Variants in ABCA7 observed in about 807,000 individuals in gnomAD.
ABCA7 encodes ATP binding cassette subfamily A member 7, also known as phospholipid-transporting ATPase ABCA7.
A neutral mutation model predicts 227.6 loss-of-function variants in ABCA7; 261 were observed. That is an observed-to-expected ratio of 1.15 (90% CI 1.04 to 1.27). The LOEUF (loss-of-function observed/expected upper bound fraction) is 1.27, where lower values mean the gene tolerates loss of function less well. Among genes scored for constraint, ABCA7 ranks in the 50% most tolerant of loss-of-function variants. The probability of loss-of-function intolerance (pLI) is 0.00; values close to 1 mark genes in which losing one functional copy is unlikely to be tolerated. For synonymous variants in ABCA7, 1,488 were observed against 1,279.7 expected (o/e 1.16, Z -3.47); for missense variants, 3,331 against 2,924.5 (o/e 1.14, Z -3.21).
In ABCA7 at chr19:1,055,355, A is replaced by T. The variant is rs2042155530; in HGVS notation, c.4205+4A>T. 3 of 1,570,728 alleles carry T rather than the reference A, an allele frequency of 1.9e-6. No individual in the cohort carries two copies. The highest frequency in any genetic ancestry group is 2.6e-6 in the Non-Finnish European group (3 of 1,160,026). ...ACCCGCGCCTGGTGCGCCAGGGGTGAGCCATGCCCTGGGACTCAGTTTCCC... is the reference window on the plus strand; with the variant it reads ...ACCCGCGCCTGGTGCGCCAGGGGTGTGCCATGCCCTGGGACTCAGTTTCCC... On this transcript the variant is annotated splice_donor_region_variant and intron_variant, in intron 30 of 46. Transcript: ENST00000263094.
At chr19:1,050,256 A>G (rs1247737681) in intron 18 of ABCA7, among the ~76,000 whole-genome samples, 1 of 151,670 alleles carries the variant, frequency 6.6e-6, no homozygotes, top group East Asian at 2.0e-4. Context: ...TAAAAATACA[A>G]AAATTAGCCG....
Position 1,047,294 on chromosome 19 carries a change from C to A in ABCA7, c.1983C>A (p.Gly661=). 1.2e-6 allele frequency: 2 copies of A among 1,604,892 alleles called. No homozygotes were observed. Among genetic ancestry groups the A allele is most frequent in the East Asian group, 4.5e-5 (2 of 44,802 alleles). The change falls in exon 15 of 47, where the codon GGC becomes GGA. Residue 661 remains glycine, a synonymous_variant. Transcript: ENST00000263094. ...CCAACCTGGCTGCGGCCTGCGGCGG[C>A]CTGGCCTACTTCTCCCTCTACCTGC... ...SRANLAAACG[G]LAYFSLYLPY...
intron 12 of ABCA7, 89 bp downstream of exon 12, chr19:1,045,320 G>C: frequency 8.1e-7 from 1 of 1,237,380 alleles, no homozygotes; most frequent in Non-Finnish European, 1.1e-6. Context: ...GCCTATTGGA[G>C]ACCATGATAG....
Position 1,063,524 on chromosome 19 carries a change from A to C in ABCA7, c.5713-20A>C, listed in dbSNP as rs2042824848. On this transcript the variant is annotated intron_variant, in intron 42 of 46. Coordinates refer to ENST00000263094, the MANE Select transcript of ABCA7 (RefSeq NM_019112.4). ...CTCATCAATATGAGTCCCCATGCCT[A>C]CTCTGGCCCCACCCCACAGACCGCT... 3.1e-6 allele frequency: 5 copies of C among 1,608,364 alleles called. No homozygotes were observed. In the African/African-American group the frequency reaches 6.7e-5, roughly 21 times the overall value.
chr19:1,050,816 AAT>A lies in ABCA7; in HGVS notation c.2553-103_2553-102del, dbSNP rs2041536409. 3.5e-5 allele frequency: 22 copies of A among 630,046 alleles called. 1 individual carries two copies. Among genetic ancestry groups the A allele is most frequent in the Admixed American group, 4.1e-5 (1 of 24,328 alleles). The allele number at this position is 630,046 out of a possible 1,614,324, so 39.0% of individuals were successfully genotyped here. A position where few individuals can be genotyped will look rare whatever the true frequency, so the allele number is the denominator to read the frequency against. On this transcript the variant is annotated intron_variant, in intron 18 of 46. Transcript: ENST00000263094. ...TAATAATAATAATAATAATAATAAT[AAT>A]AAATAATTAAAAATTTTTTAAAAAC... is the stretch of plus-strand genomic sequence containing the variant.
chr19:1,048,195 A>T (rs1236140844), intron 16 of ABCA7, among the ~76,000 whole-genome samples: 1 of 148,144 alleles, frequency 6.8e-6, no homozygotes, highest in African/African-American at 2.5e-5. Flanking sequence ...TCTCTTTAAA[A>T]AAAAAAAAAA....
chr19:1,063,042 A>C (rs2042777139), intron 42 of ABCA7, among the ~76,000 whole-genome samples: 1 of 131,074 alleles, frequency 7.6e-6, no homozygotes, highest in Non-Finnish European at 1.6e-5. Flanking sequence ...CCCCATACTC[A>C]TGCTGTCTCC....
chr19:1,056,037 T>A lies in ABCA7; in HGVS notation c.4239-29T>A. The A allele has an allele frequency of 6.4e-7, 1 of 1,560,732 alleles. No homozygotes were observed. Among genetic ancestry groups the A allele is most frequent in the Non-Finnish European group, 8.7e-7 (1 of 1,149,724 alleles). ...TCTCCCGGCCCCCCCGGCCCTCAGC[T>A]CCCCTTCCCTGCCTGCATGGCCCCA... On this transcript the variant is annotated intron_variant, in intron 31 of 46. Transcript: ENST00000263094. This position sits in a 1 kb window ranked among gnomAD's most constrained non-coding sequence, Gnocchi z 4.3.
intron 18 of ABCA7, 46 bp from the exon 19 acceptor site, chr19:1,050,875 A>G (rs12151021): frequency 0.68 from 972,890 of 1,434,628 alleles, 334,035 homozygotes; most frequent in Admixed American, 0.8. Context: ...TGTAACTGCC[A>G]GTGCACTCTG....
chr19:1,063,591 C>G lies in ABCA7; in HGVS notation c.5760C>G (p.Asp1920Glu). The change falls in exon 43 of 47, where the codon GAC (aspartate) becomes GAG (glutamate). Residue 1920 changes from aspartate (D) to glutamate (E), a missense_variant. Coordinates refer to ENST00000263094, the MANE Select transcript of ABCA7 (RefSeq NM_019112.4). ...GTCTGGGACTCTCATGGTACGCAGA[C>G]CGGCCTGCAGGCACCTACAGCGGAG... ...LARLGLSWYA[D>E]RPAGTYSGGN... is the part of the protein sequence containing the mutation. The G allele has an allele frequency of 3.1e-6, 5 of 1,611,198 alleles. No individual in the cohort carries two copies. Among genetic ancestry groups the G allele is most frequent in the Non-Finnish European group, 4.2e-6 (5 of 1,179,928 alleles).
At position 1,062,381 on chromosome 19, in the gene ABCA7, G is replaced by C. The variant is rs948631051; in HGVS notation, c.5712+68G>C. 1.5e-5 allele frequency: 23 copies of C among 1,571,720 alleles called. No individual in the cohort carries two copies. In the Middle Eastern group the frequency reaches 7.0e-4, roughly 48 times the overall value. On this transcript the variant is annotated intron_variant, in intron 42 of 46. Transcript: ENST00000263094. ...ACCCGACCCAGGCCGTGCCTCTAAA[G>C]CCTGGCCCAATCCCGCACTCTCTCG... is the stretch of plus-strand genomic sequence containing the variant.
rs376425513 is a variant in ABCA7 at position 1,041,356 on chromosome 19, C to T, written c.-6C>T. Reference sequence around the variant, plus strand: ...CTCTCTGTCCCGTCCCCTGCCCAGTCTCACCATGGCCTTCTGGACACAGCT... The same window carrying T: ...CTCTCTGTCCCGTCCCCTGCCCAGTTTCACCATGGCCTTCTGGACACAGCT... On this transcript the variant is annotated 5_prime_UTR_variant, in exon 2 of 47. Transcript: ENST00000263094. The T allele has an allele frequency of 4.0e-5, 65 of 1,613,900 alleles. No homozygotes were observed. The highest frequency in any genetic ancestry group is 5.3e-5 in the Non-Finnish European group (63 of 1,180,020).
intron 30 of ABCA7, among the ~76,000 whole-genome samples, chr19:1,055,646 G>A (rs1305266728): frequency 1.3e-5 from 2 of 151,826 alleles, no homozygotes; most frequent in African/African-American, 4.8e-5. Flanking sequence ...GGGATTACAG[G>A]CACGCACCAC....
chr19:1,042,714 A>G (rs2144681672), intron 6 of ABCA7, 32 bp from the exon 7 acceptor site: 1 of 1,608,594 alleles, frequency 6.2e-7, no homozygotes. Flanking sequence ...AGTGTTCAAA[A>G]TCATTGTCCC....
Position 1,041,242 on chromosome 19 carries a change from C to A in ABCA7, c.-120C>A. ...CTAATCAGAGCTTCCAGGAACCCTG[C>A]GCTGTGGGATAAAGGAATGAGGTTC... On this transcript the variant is annotated 5_prime_UTR_variant, in exon 2 of 47. Coordinates refer to ENST00000263094, the MANE Select transcript of ABCA7 (RefSeq NM_019112.4). The A allele has an allele frequency of 9.8e-7, 1 of 1,023,864 alleles. No homozygotes were observed. The highest frequency in any genetic ancestry group is 1.5e-6 in the Non-Finnish European group (1 of 655,488). The allele number at this position is 1,023,864 out of a possible 1,614,324, so 63.4% of individuals were successfully genotyped here. A position where few individuals can be genotyped will look rare whatever the true frequency, so the allele number is the denominator to read the frequency against.
In ABCA7 at chr19:1,047,246, G is replaced by A. The variant is rs776080061; in HGVS notation, c.1935G>A (p.Leu645=). Reference sequence around the variant, plus strand: ...TGGCCACGGTGACCCAGAGCTTCCTGCTCAGCGCCTTCTTCTCCCGCGCCA... The same window carrying A: ...TGGCCACGGTGACCCAGAGCTTCCTACTCAGCGCCTTCTTCTCCCGCGCCA... ...FAVATVTQSF[L]LSAFFSRANL... The change falls in exon 15 of 47, where the codon CTG becomes CTA. Residue 645 remains leucine (L), a synonymous_variant. Transcript: ENST00000263094. The A allele has an allele frequency of 2.5e-6, 4 of 1,608,130 alleles. No homozygotes were observed. In the East Asian group the frequency reaches 6.7e-5, roughly 27 times the overall value.
At position 1,046,791 on chromosome 19, in the gene ABCA7, C is replaced by A; in HGVS notation, c.1623-11C>A. On this transcript the variant is annotated splice_polypyrimidine_tract_variant and intron_variant, in intron 13 of 46. Coordinates refer to ENST00000263094, the MANE Select transcript of ABCA7 (RefSeq NM_019112.4). ...GGTCTCCAGCCTCCACCCCAGCCGT[C>A]CCCACCCCAGGTTCCTGCGTGTGCT... 1 of 1,535,532 alleles carries A rather than the reference C, an allele frequency of 6.5e-7. No individual in the cohort carries two copies. Among genetic ancestry groups the A allele is most frequent in the Non-Finnish European group, 8.7e-7 (1 of 1,145,966 alleles).
Position 1,047,600 on chromosome 19 carries a change from C to T in ABCA7, c.2215C>T (p.Leu739=). Residue 739 remains leucine (L), a synonymous_variant, in exon 16 of 47, where the codon CTG becomes TTG. Coordinates refer to ENST00000263094, the MANE Select transcript of ABCA7 (RefSeq NM_019112.4). ...GGCCCAGGTCTCTGGCCTTCTGCTGCTGGACGCGGCGCTCTACGGCCTCGC... is the reference window on the plus strand; with the variant it reads ...GGCCCAGGTCTCTGGCCTTCTGCTGTTGGACGCGGCGCTCTACGGCCTCGC... ...SLAQVSGLLL[L]DAALYGLATW... is the part of the protein sequence containing the mutation. 1 of 1,603,118 alleles carries T rather than the reference C, an allele frequency of 6.2e-7. No homozygotes were observed.
intron 16 of ABCA7, among the ~76,000 whole-genome samples, chr19:1,048,421 C>T (rs578053192): frequency 4.9e-5 from 7 of 142,392 alleles, no homozygotes; most frequent in African/African-American, 1.8e-4. Flanking sequence ...GCTTGAATCC[C>T]GGAGGCGGAG....
Sources: gnomAD v4.1 joint callset for allele counts (sites outside exome capture counted in the v4.1 genomes callset) on GRCh38, gnomAD v4.1.1 for gene constraint, Gnocchi (gnomAD v3.1) non-coding constraint, MANE v1.5 for transcripts, NCBI Gene and HGNC (gene_info 2026-07-23, HGNC 2026-07-21) for gene names.